The following SLC6A16 variants were observed in gnomAD, a reference collection of about 807,000 sequenced individuals.
The protein encoded by SLC6A16 is orphan sodium- and chloride-dependent neurotransmitter transporter NTT5.
In SLC6A16, 54 loss-of-function variants were observed where a neutral mutation model predicts 65.4. The ratio of observed to expected loss-of-function variants is 0.83; its 90% CI spans 0.66 to 1.04. The LOEUF (loss-of-function observed/expected upper bound fraction) is 1.04. Ranked by LOEUF, SLC6A16 falls within the 50% of genes least tolerant of loss-of-function variation. The probability of loss-of-function intolerance (pLI) is 0.00; values close to 1 mark genes in which losing one functional copy is unlikely to be tolerated. For synonymous variants in SLC6A16, 330 were observed against 346.5 expected (o/e 0.95, Z 0.53); for missense variants, 816 against 914.0 (o/e 0.89, Z 1.38).
At chr19:49,320,986 A>C (rs1040850166) in intron 1 of SLC6A16, among the ~76,000 whole-genome samples, 3 of 152,204 alleles carry the variant, frequency 2.0e-5, no homozygotes, top group Non-Finnish European at 4.4e-5. Flanking sequence ...ATTGGAGAGG[A>C]GGGAACACTT....
At chr19:49,339,605 C>A in the SLC6A16 span, 1 of 1,439,720 alleles carries the variant, frequency 6.9e-7, no homozygotes, top group African/African-American at 1.4e-5. The surrounding 1 kb of genome is among the most constrained non-coding windows in gnomAD (Gnocchi z 4.5). Flanking sequence ...ATTGGGTGTA[C>A]GCAGGGAAAG....
In SLC6A16 at chr19:49,289,654, TGTC is replaced by T. The variant is rs1477335547; in HGVS notation, c.*466_*468del. 1 of 168,772 alleles carries T rather than the reference TGTC, an allele frequency of 5.9e-6. No homozygotes were observed. Among genetic ancestry groups the T allele is most frequent in the African/African-American group, 2.4e-5 (1 of 41,742 alleles). 10.5% of individuals were successfully genotyped at this position (168,772 alleles called of 1,614,324 possible). On this transcript the variant is annotated 3_prime_UTR_variant, in exon 12 of 12. Coordinates refer to ENST00000335875, the MANE Select transcript of SLC6A16 (RefSeq NM_014037.3). ...CTCTTTTTGTTCCCAGTTTCAGGTA[TGTC>T]TTTATTAGCAGTGTGAAAATGAACT...
At chr19:49,339,855 G>A in the SLC6A16 span, 5 of 1,336,004 alleles carry the variant, frequency 3.7e-6, no homozygotes, top group Non-Finnish European at 9.6e-7. This position sits in a 1 kb window ranked among gnomAD's most constrained non-coding sequence, Gnocchi z 4.5. Flanking sequence ...AGGCACCGCA[G>A]GGCAAGCTGC....
chr19:49,298,544 C>CA (rs1970225803), intron 7 of SLC6A16, among the ~76,000 whole-genome samples: 2 of 152,008 alleles, frequency 1.3e-5, no homozygotes, highest in African/African-American at 4.8e-5. Context: ...ATTAAAAAGA[C>CA]AAAAAGCAAC....
chr19:49,305,116 C>T (rs958839425), intron 7 of SLC6A16, among the ~76,000 whole-genome samples: 34 of 152,220 alleles, frequency 2.2e-4, no homozygotes, highest in Non-Finnish European at 4.7e-4. Context: ...AATGTAGCAG[C>T]AATGGAAGCA....
At chr19:49,317,456 C>T (rs1024915562) in intron 1 of SLC6A16, among the ~76,000 whole-genome samples, 2 of 152,102 alleles carry the variant, frequency 1.3e-5, no homozygotes, top group African/African-American at 4.8e-5. Context: ...GAAATTTCCA[C>T]TTTTGACCAT....
At chr19:49,309,191 G>T (rs1970456989) in intron 6 of SLC6A16, 74 bp from the exon 7 acceptor site, 2 of 1,598,370 alleles carry the variant, frequency 1.3e-6, no homozygotes, top group South Asian at 2.2e-5. Context: ...AAATGTTGCA[G>T]GGAGGAGAGA....
rs80032971 is a variant in SLC6A16, at chr19:49,312,572, T to C, written c.-64-1161A>G. On this transcript the variant is annotated intron_variant, in intron 1 of 11. Coordinates refer to ENST00000335875, the MANE Select transcript of SLC6A16 (RefSeq NM_014037.3). ...AAGTTCCCGCCACTCTGAACTTCTG[T>C]TGGCTCTTCAAATACAAGAGAAAAG... The C allele has an allele frequency of 6.5e-3, 6,364 of 984,866 alleles. 202 individuals are homozygous for C. In the African/African-American group the frequency reaches 0.076, roughly 12 times the overall value. 61.0% of individuals were successfully genotyped at this position (984,866 alleles called of 1,614,324 possible).
chr19:49,337,054 C>T, the SLC6A16 span: 73 of 1,613,210 alleles, frequency 4.5e-5, no homozygotes, highest in East Asian at 4.5e-5. Flanking sequence ...CATCCCTCTC[C>T]GTCCCTAGGA....
At chr19:49,337,217 C>T in the SLC6A16 span, 1 of 1,613,928 alleles carries the variant, frequency 6.2e-7, no homozygotes, top group South Asian at 1.1e-5. Flanking sequence ...ACTCAGCGGG[C>T]CCAGGTGAGC....
At chr19:49,322,010 T>C (rs116714098) in intron 1 of SLC6A16, among the ~76,000 whole-genome samples, 3,382 of 152,202 alleles carry the variant, frequency 0.022, 125 homozygotes, top group African/African-American at 0.071. Context: ...TAAAAGACTG[T>C]AAGCTTTTCC....
chr19:49,309,046 G>A lies in SLC6A16; in HGVS notation c.1059C>T (p.Gly353=). The part of the protein sequence containing the change: ...GGQVLSNTGI[G]LGSVASLASY... ...AGGCTAAGGAGGCAACGGAGCCAAG[G>A]CCTATGCCTGTGTTAGACAAAACTT... is the stretch of plus-strand genomic sequence containing the variant. Residue 353 remains glycine (G), a synonymous_variant, in exon 7 of 12, where the codon GGC becomes GGT. Transcript: ENST00000335875. The A allele has an allele frequency of 1.2e-6, 2 of 1,614,154 alleles. No homozygotes were observed. The highest frequency in any genetic ancestry group is 2.2e-5 in the South Asian group (2 of 91,084).
At chr19:49,335,339 CAG>C in the SLC6A16 span, 18 of 597,466 alleles carry the variant, frequency 3.0e-5, no homozygotes, top group East Asian at 1.1e-4. This position sits in a 1 kb window ranked among gnomAD's most constrained non-coding sequence, Gnocchi z 4.6. Context: ...GAGACAGGGA[CAG>C]AGAGAGAGAC....
intron 1 of SLC6A16, chr19:49,312,596 A>G (rs183049): frequency 0.75 from 732,235 of 981,414 alleles, 274,579 homozygotes; most frequent in African/African-American, 0.93. Context: ...ACAAGAGAAA[A>G]GGCAAGGAGT....
At chr19:49,290,484 C>A (rs966619947) in intron 11 of SLC6A16, 92 bp from the exon 12 acceptor site, 2 of 1,559,326 alleles carry the variant, frequency 1.3e-6, no homozygotes, top group African/African-American at 1.4e-5. Flanking sequence ...GGAACCAAAG[C>A]AGAAAACCCA....
At chr19:49,335,806 G>GT in the SLC6A16 span, 12 of 1,583,564 alleles carry the variant, frequency 7.6e-6, no homozygotes, top group Non-Finnish European at 1.0e-5. This position sits in a 1 kb window ranked among gnomAD's most constrained non-coding sequence, Gnocchi z 4.6. Context: ...GCTGGGGCAG[G>GT]TGGGAGGGCC....
the SLC6A16 span, chr19:49,337,141 C>T: frequency 6.2e-7 from 1 of 1,614,024 alleles, no homozygotes; most frequent in Non-Finnish European, 8.5e-7. Flanking sequence ...CCACTCTGCT[C>T]CCCAGTATTT....
rs775151436 is a variant in SLC6A16 at position 49,310,979 on chromosome 19, T to C, written c.369A>G (p.Pro123=). ...GGTAGGCAAAGCGCCAGAGACAAGATGGCTTCATAGAGAAGCCCACCTGAG... is the reference window on the plus strand; with the variant it reads ...GGTAGGCAAAGCGCCAGAGACAAGACGGCTTCATAGAGAAGCCCACCTGAG... ...ILAQVGFSMK[P]SCLWRFAYLW... The change falls in exon 2 of 12, where the codon CCA becomes CCG. Residue 123 remains proline, a synonymous_variant. Transcript: ENST00000335875. The C allele has an allele frequency of 1.9e-6, 3 of 1,614,234 alleles. No individual in the cohort carries two copies. Among genetic ancestry groups the C allele is most frequent in the African/African-American group, 1.3e-5 (1 of 75,078 alleles).
chr19:49,335,736 G>T, the SLC6A16 span: 1 of 1,613,914 alleles, frequency 6.2e-7, no homozygotes, highest in Non-Finnish European at 8.5e-7. The surrounding 1 kb of genome is among the most constrained non-coding windows in gnomAD (Gnocchi z 4.6). Context: ...CTGATCTTCT[G>T]CTTCGGCATC....
Sources: gnomAD v4.1 joint callset for allele counts (sites outside exome capture counted in the v4.1 genomes callset) on GRCh38, gnomAD v4.1.1 for gene constraint, Gnocchi (gnomAD v3.1) non-coding constraint, MANE v1.5 for transcripts, NCBI Gene and HGNC (gene_info 2026-07-23, HGNC 2026-07-21) for gene names.